OIP5: variants seen among roughly 807,000 people sequenced by gnomAD.
The protein encoded by OIP5 is Opa interacting protein 5.
OIP5 carries 24 observed loss-of-function variants against 20.3 expected under a neutral mutation model. That is an observed-to-expected ratio of 1.18 (90% CI 0.86 to 1.66). The LOEUF (loss-of-function observed/expected upper bound fraction) is 1.66. Ranked by LOEUF, OIP5 falls within the 40% of genes most tolerant of loss-of-function variation. The pLI is 0.00. For missense variants in OIP5, 339 were observed against 289.5 expected (o/e 1.17, Z -1.24); for synonymous variants, 143 against 121.3 (o/e 1.18, Z -1.17).
chr15:41,326,712 C>A (rs1417604257), intron 2 of OIP5, among the ~76,000 whole-genome samples: 2 of 152,204 alleles, frequency 1.3e-5, no homozygotes, highest in African/African-American at 4.8e-5. Context: ...AGGTGTGAGC[C>A]ACCGTGCCCG....
intron 4 of OIP5, among the ~76,000 whole-genome samples, chr15:41,312,502 C>A (rs554165355): frequency 6.6e-6 from 1 of 152,140 alleles, no homozygotes; most frequent in South Asian, 2.1e-4. Context: ...CTCTGTTGCC[C>A]AGGCTGGAGT....
At chr15:41,317,428 G>A (rs1005032318) in intron 3 of OIP5, among the ~76,000 whole-genome samples, 1 of 148,364 alleles carries the variant, frequency 6.7e-6, no homozygotes, top group Admixed American at 6.8e-5. Context: ...TTGCCAGGCT[G>A]GAGTGCAGTG....
In OIP5 at chr15:41,311,876, CT is replaced by C. The variant is rs74976629; in HGVS notation, c.594+1396del. 1.6e-3 allele frequency among the ~76,000 whole-genome samples: 211 copies of C among 135,646 alleles called. 7 individuals are homozygous for C. Among genetic ancestry groups the C allele is most frequent in the Middle Eastern group, 7.6e-3 (2 of 262 alleles). The allele number at this position is 135,646 out of a possible 152,430, so 89.0% of individuals were successfully genotyped here. ...CCACCGCACCCAGCCAATAAGAATT[CT>C]TTTTTTTTTTTTCCACACAGAGTTT... On this transcript the variant is annotated intron_variant, in intron 4 of 4. Transcript: ENST00000220514.
In OIP5 at chr15:41,332,370, C is replaced by CG; in HGVS notation, c.191dup (p.Gln65AlafsTer9). The CG allele has an allele frequency of 6.2e-7, 1 of 1,612,202 alleles. No individual in the cohort carries two copies. ...CAGGCTGCAGCCAAGACGGCAGCTG[C>CG]GGGCCGGCGGCTGGCTCCTCAGCCC... On this transcript the variant is annotated frameshift_variant, in exon 1 of 5. Coordinates refer to ENST00000220514, the MANE Select transcript of OIP5 (RefSeq NM_007280.2). LOFTEE classifies it high-confidence loss of function.
In OIP5 at chr15:41,309,889, T is replaced by A. The variant is rs775076610; in HGVS notation, c.595-40A>T. The A allele has an allele frequency of 1.4e-5, 19 of 1,377,530 alleles. No homozygotes were observed. In the East Asian group the frequency reaches 3.7e-4, roughly 27 times the overall value. 85.3% of individuals were successfully genotyped at this position (1,377,530 alleles called of 1,614,324 possible). On this transcript the variant is annotated intron_variant, in intron 4 of 4. Coordinates refer to ENST00000220514, the MANE Select transcript of OIP5 (RefSeq NM_007280.2). ...ATATAGATATCAGGGCATCTTTTTT[T>A]ATTTTTACTTATTTTAAGAGACAGG... is the stretch of plus-strand genomic sequence containing the variant.
At chr15:41,321,032 G>A (rs979442227) in intron 2 of OIP5, among the ~76,000 whole-genome samples, 4 of 148,660 alleles carry the variant, frequency 2.7e-5, no homozygotes, top group South Asian at 2.2e-4. Flanking sequence ...GAGAAGTGAG[G>A]AGACCCTCCG....
chr15:41,331,730 T>C (rs1461824800), intron 2 of OIP5, among the ~76,000 whole-genome samples, 185 bp downstream of exon 2: 1 of 152,184 alleles, frequency 6.6e-6, no homozygotes, highest in South Asian at 2.1e-4. Context: ...GAAGTGGCCC[T>C]CAGGAAGATC....
At chr15:41,326,318 A>C (rs192837042) in intron 2 of OIP5, among the ~76,000 whole-genome samples, 2 of 152,226 alleles carry the variant, frequency 1.3e-5, no homozygotes, top group Admixed American at 6.5e-5. Context: ...ACCATGGTTT[A>C]TGATTTAAAA....
In OIP5 at chr15:41,326,111, G is replaced by A. The variant is rs574096426; in HGVS notation, c.389+5804C>T. On this transcript the variant is annotated intron_variant, in intron 2 of 4. Transcript: ENST00000220514. ...CAGGGGGCAGAGGTTTCAGTGAGCC[G>A]AGATAATGCCACTGGACTCTAGCCT... 1.9e-4 allele frequency among the ~76,000 whole-genome samples: 29 copies of A among 152,296 alleles called. 1 individual carries two copies. In the South Asian group the frequency reaches 5.8e-3, roughly 30 times the overall value.
rs144435353 is a variant in OIP5 at position 41,328,915 on chromosome 15, A to C, written c.389+3000T>G. Among the ~76,000 whole-genome samples, 143 of 151,706 alleles carry C rather than the reference A, an allele frequency of 9.4e-4. 2 individuals are homozygous for C. The East Asian group carries it at 0.021, about 22-fold the overall frequency. On this transcript the variant is annotated intron_variant, in intron 2 of 4. Coordinates refer to ENST00000220514, the MANE Select transcript of OIP5 (RefSeq NM_007280.2). ...TCTACTAAAAATATAAAAATACAAA[A>C]ATTAGCCAGGCATAGTGGCGTGCGC...
In OIP5 at chr15:41,325,051, T is replaced by C. The variant is rs183437448; in HGVS notation, c.390-5271A>G. 1.5e-3 allele frequency among the ~76,000 whole-genome samples: 232 copies of C among 152,228 alleles called. 1 individual carries two copies. The highest frequency in any genetic ancestry group is 5.4e-3 in the African/African-American group (223 of 41,554). On this transcript the variant is annotated intron_variant, in intron 2 of 4. Transcript: ENST00000220514. ...GGTTTGTGGCATCCCACAATTACAA[T>C]AGTAACAGCAAAGATCACTGATCAC...
intron 2 of OIP5, among the ~76,000 whole-genome samples, chr15:41,330,696 C>T (rs1054147274): frequency 2.0e-5 from 3 of 152,196 alleles, no homozygotes; most frequent in Non-Finnish European, 4.4e-5. Context: ...AGCCACCACG[C>T]CCGGCCCGTA....
chr15:41,310,887 T>C (rs894636216), intron 4 of OIP5, among the ~76,000 whole-genome samples: 2 of 152,250 alleles, frequency 1.3e-5, no homozygotes, highest in African/African-American at 4.8e-5. Context: ...TTAGAACAGA[T>C]AACTGTTGCA....
chr15:41,331,595 T>C (rs560714551), intron 2 of OIP5, among the ~76,000 whole-genome samples: 27 of 152,272 alleles, frequency 1.8e-4, no homozygotes, highest in African/African-American at 5.3e-4. Flanking sequence ...AAAGTTCTAA[T>C]ATCTAAAAGG....
At chr15:41,317,760 C>T (rs1426264398) in intron 3 of OIP5, among the ~76,000 whole-genome samples, 1 of 152,124 alleles carries the variant, frequency 6.6e-6, no homozygotes, top group African/African-American at 2.4e-5. Context: ...CTCACTGTAA[C>T]CTTGAACTCC....
chr15:41,315,676 A>G (rs549630221), intron 3 of OIP5, among the ~76,000 whole-genome samples: 1 of 152,302 alleles, frequency 6.6e-6, no homozygotes, highest in African/African-American at 2.4e-5. Context: ...ATGCTTTTCA[A>G]ATTTATGTTA....
In OIP5 at chr15:41,321,924, A is replaced by T. The variant is rs868633341; in HGVS notation, c.390-2144T>A. The stretch of plus-strand genomic sequence containing the variant: ...GAAACACCCAAGAATGATCAATAAA[A>T]AAATAAATAAATAAATAAATAAATA... On this transcript the variant is annotated intron_variant, in intron 2 of 4. Coordinates refer to ENST00000220514, the MANE Select transcript of OIP5 (RefSeq NM_007280.2). Among the ~76,000 whole-genome samples the T allele has an allele frequency of 9.4e-4, 140 of 149,634 alleles. 1 individual carries two copies. Among genetic ancestry groups the T allele is most frequent in the African/African-American group, 3.3e-3 (133 of 40,434 alleles).
intron 2 of OIP5, among the ~76,000 whole-genome samples, chr15:41,330,984 A>G (rs1447046300): frequency 1.3e-5 from 2 of 152,062 alleles, no homozygotes; most frequent in Non-Finnish European, 2.9e-5. Flanking sequence ...GGACTCCTAT[A>G]GCGATAGGGA....
intron 3 of OIP5, among the ~76,000 whole-genome samples, chr15:41,314,891 C>T (rs1426128885): frequency 6.6e-6 from 1 of 151,518 alleles, no homozygotes; most frequent in Non-Finnish European, 1.5e-5. Flanking sequence ...CTCAGCCTCC[C>T]AAAGTGCTGG....
Sources: gnomAD v4.1 joint callset for allele counts (sites outside exome capture counted in the v4.1 genomes callset) on GRCh38, gnomAD v4.1.1 for gene constraint, MANE v1.5 for transcripts, NCBI Gene and HGNC (gene_info 2026-07-23, HGNC 2026-07-21) for gene names.